The following SLC35D4 variants were observed in gnomAD, a reference collection of about 807,000 sequenced individuals.
SLC35D4 encodes the protein UDP-N-acetylglucosamine transporter SLC35D4.
At chr18:23,360,609 T>C in the SLC35D4 span, among the ~76,000 whole-genome samples, 3 of 152,156 alleles carry the variant, frequency 2.0e-5, no homozygotes, top group African/African-American at 4.8e-5. Flanking sequence ...AGAGGTCTCA[T>C]GGTGTGGAGA....
At chr18:23,294,483 T>G in the SLC35D4 span, among the ~76,000 whole-genome samples, 2 of 152,204 alleles carry the variant, frequency 1.3e-5, no homozygotes, top group Non-Finnish European at 2.9e-5. Context: ...CGGAAACTGA[T>G]AGCATACTGA....
chr18:23,256,666 G>C, the SLC35D4 span, among the ~76,000 whole-genome samples: 1 of 152,080 alleles, frequency 6.6e-6, no homozygotes, highest in South Asian at 2.1e-4. Flanking sequence ...ATTTTTAGTA[G>C]AGACGACAGG....
chr18:23,295,017 A>G, the SLC35D4 span, among the ~76,000 whole-genome samples: 2 of 152,104 alleles, frequency 1.3e-5, no homozygotes, highest in African/African-American at 4.8e-5. Context: ...ACACTTGGAC[A>G]GATGCCACTT....
At chr18:23,294,028 T>C in the SLC35D4 span, among the ~76,000 whole-genome samples, 9 of 151,922 alleles carry the variant, frequency 5.9e-5, no homozygotes, top group Admixed American at 5.9e-4. Flanking sequence ...AACTCCTGGG[T>C]TCAATCAATC....
At chr18:23,324,443 A>G in the SLC35D4 span, among the ~76,000 whole-genome samples, 1 of 152,224 alleles carries the variant, frequency 6.6e-6, no homozygotes. Context: ...AATGTTTCAA[A>G]AGACGCTTTC....
At chr18:23,417,838 A>C in the SLC35D4 span, among the ~76,000 whole-genome samples, 8 of 152,226 alleles carry the variant, frequency 5.3e-5, no homozygotes, top group African/African-American at 1.9e-4. Context: ...AGAATCAGCA[A>C]GGAAGACTCA....
chr18:23,389,483 A>G, the SLC35D4 span, among the ~76,000 whole-genome samples: 1 of 152,222 alleles, frequency 6.6e-6, no homozygotes. Flanking sequence ...CCCTTACTCT[A>G]CAATTGACCA....
chr18:23,365,203 T>G, the SLC35D4 span, among the ~76,000 whole-genome samples: 2 of 152,198 alleles, frequency 1.3e-5, no homozygotes, highest in Non-Finnish European at 2.9e-5. Context: ...GCCCCTCATA[T>G]TCTGCCATAA....
At chr18:23,239,622 T>C in the SLC35D4 span, among the ~76,000 whole-genome samples, 1 of 152,200 alleles carries the variant, frequency 6.6e-6, no homozygotes, top group Non-Finnish European at 1.5e-5. Context: ...TATTTTTGTG[T>C]GTTGGGGAAC....
At chr18:23,399,500 T>C in the SLC35D4 span, 7 of 1,428,634 alleles carry the variant, frequency 4.9e-6, no homozygotes, top group Non-Finnish European at 6.9e-6. Context: ...AGCTGAGGCA[T>C]GATAAGTTAA....
At chr18:23,409,780 G>C in the SLC35D4 span, among the ~76,000 whole-genome samples, 3 of 151,676 alleles carry the variant, frequency 2.0e-5, no homozygotes, top group Non-Finnish European at 4.4e-5. Context: ...GGAGGTGGAG[G>C]CTGCAGTGAG....
chr18:23,314,778 T>C, the SLC35D4 span, among the ~76,000 whole-genome samples: 3 of 152,192 alleles, frequency 2.0e-5, no homozygotes, highest in Non-Finnish European at 4.4e-5. Flanking sequence ...GAATGTCTCC[T>C]TCTCACACAC....
chr18:23,426,824 A>G, the SLC35D4 span, among the ~76,000 whole-genome samples: 4 of 152,244 alleles, frequency 2.6e-5, no homozygotes, highest in Non-Finnish European at 5.9e-5. Context: ...ACAGATATAT[A>G]GACCAATGGA....
the SLC35D4 span, among the ~76,000 whole-genome samples, chr18:23,348,990 ACCCCACT>A: frequency 2.6e-5 from 4 of 152,182 alleles, no homozygotes; most frequent in Non-Finnish European, 5.9e-5. Context: ...TGAATGTGTC[ACCCCACT>A]TGCCTTCTGG....
At chr18:23,380,614 T>C in the SLC35D4 span, among the ~76,000 whole-genome samples, 1 of 152,210 alleles carries the variant, frequency 6.6e-6, no homozygotes. Flanking sequence ...CTCCTACGTC[T>C]CTGCAGCTTT....
At chr18:23,374,842 T>C in the SLC35D4 span, among the ~76,000 whole-genome samples, 1 of 152,020 alleles carries the variant, frequency 6.6e-6, no homozygotes, top group African/African-American at 2.4e-5. Flanking sequence ...GTGCCAGGTA[T>C]GGTGGCTCAT....
chr18:23,287,829 G>C, the SLC35D4 span, among the ~76,000 whole-genome samples: 4 of 152,166 alleles, frequency 2.6e-5, no homozygotes, highest in Admixed American at 2.0e-4. Flanking sequence ...CTTACACAAG[G>C]ACCGGGGTCG....
the SLC35D4 span, among the ~76,000 whole-genome samples, chr18:23,392,939 G>A: frequency 9.7e-4 from 148 of 152,048 alleles, 1 homozygote; most frequent in East Asian, 0.018. Flanking sequence ...TTTTTGAGGC[G>A]GAGTCTCGCT....
the SLC35D4 span, among the ~76,000 whole-genome samples, chr18:23,434,507 C>G: frequency 6.6e-6 from 1 of 152,168 alleles, no homozygotes; most frequent in Non-Finnish European, 1.5e-5. Context: ...AATTTGTTGG[C>G]TGGGCACAGT....
Sources: gnomAD v4.1 joint callset for allele counts (sites outside exome capture counted in the v4.1 genomes callset) on GRCh38, gnomAD v4.1.1 for gene constraint, MANE v1.5 for transcripts, NCBI Gene and HGNC (gene_info 2026-07-23, HGNC 2026-07-21) for gene names.